Variants in KLHL32 observed in about 807,000 individuals in gnomAD.
KLHL32 encodes the protein kelch-like protein 32.
KLHL32 carries 35 observed loss-of-function variants against 64.8 expected under a neutral mutation model. The observed-to-expected ratio is 0.54, with a 90% CI of 0.41 to 0.72. KLHL32 has a LOEUF of 0.72. Ranked by LOEUF, KLHL32 falls within the 30% of genes least tolerant of loss-of-function variation. The pLI is 0.00. For synonymous variants in KLHL32, 259 were observed against 281.0 expected, an observed-to-expected ratio of 0.92 and a Z score of 0.78; for missense variants, 589 against 768.5, an observed-to-expected ratio of 0.77 and a Z score of 2.76.
chr6:96,987,643 A>G (rs1175203892), intron 3 of KLHL32, among the ~76,000 whole-genome samples: 1 of 152,234 alleles, frequency 6.6e-6, no homozygotes, highest in Non-Finnish European at 1.5e-5. Flanking sequence ...CTGCATTGCC[A>G]AAACAATCCT....
intron 3 of KLHL32, among the ~76,000 whole-genome samples, chr6:97,019,668 T>G (rs1232847705): frequency 2.6e-5 from 4 of 152,182 alleles, no homozygotes; most frequent in African/African-American, 9.7e-5. Flanking sequence ...CTTGGTGCAT[T>G]TATTTAAAAA....
intron 1 of KLHL32, among the ~76,000 whole-genome samples, chr6:96,932,572 C>CG (rs1001598485): frequency 7.3e-6 from 1 of 136,578 alleles, no homozygotes; most frequent in Non-Finnish European, 1.6e-5. Context: ...TTTCCCCCCC[C>CG]CCCTTTTTTT....
intron 4 of KLHL32, among the ~76,000 whole-genome samples, chr6:97,048,124 A>T (rs997298321): frequency 6.6e-6 from 1 of 152,180 alleles, no homozygotes; most frequent in Admixed American, 6.5e-5. Flanking sequence ...TTGGAGACTG[A>T]TGAAGAGGTT....
chr6:96,917,153 T>C, the KLHL32 span, among the ~76,000 whole-genome samples: 1 of 152,182 alleles, frequency 6.6e-6, no homozygotes, highest in African/African-American at 2.4e-5. Context: ...AAAACCCAAA[T>C]TAACCAAACT....
intron 5 of KLHL32, among the ~76,000 whole-genome samples, chr6:97,075,379 A>T (rs923523648): frequency 3.9e-5 from 6 of 152,192 alleles, no homozygotes; most frequent in African/African-American, 1.4e-4. Flanking sequence ...CTGTATGTTT[A>T]TACATATAAA....
At chr6:96,911,952 T>G in the KLHL32 span, among the ~76,000 whole-genome samples, 1 of 149,398 alleles carries the variant, frequency 6.7e-6, no homozygotes, top group Non-Finnish European at 1.5e-5. Flanking sequence ...CTCTGAGTAA[T>G]CTCTTCCTGT....
chr6:97,087,695 A>G (rs1317481077), intron 6 of KLHL32, among the ~76,000 whole-genome samples: 4 of 152,210 alleles, frequency 2.6e-5, no homozygotes, highest in Non-Finnish European at 5.9e-5. Flanking sequence ...TGGTAAACAC[A>G]CACACACTTA....
chr6:97,115,544 A>G (rs1461202753), intron 7 of KLHL32, among the ~76,000 whole-genome samples: 2 of 152,176 alleles, frequency 1.3e-5, no homozygotes, highest in Non-Finnish European at 1.5e-5. Context: ...CTCCTTGCCA[A>G]TCTTGTTTTC....
rs144907299 is a variant in KLHL32 at position 96,954,866 on chromosome 6, A to G, written c.-65-12130A>G. Among the ~76,000 whole-genome samples, 531 of 152,264 alleles carry G rather than the reference A, an allele frequency of 3.5e-3. 3 individuals carry two copies. The highest frequency in any genetic ancestry group is 0.012 in the African/African-American group (498 of 41,534). On this transcript the variant is annotated intron_variant, in intron 1 of 10. Transcript: ENST00000369261. ...TTTTCTCCTAGTTTCTCTATTGTCAACTGTCTTAGCCAGCTTGGGCTGTTA... is the reference window on the plus strand; with the variant it reads ...TTTTCTCCTAGTTTCTCTATTGTCAGCTGTCTTAGCCAGCTTGGGCTGTTA...
intron 5 of KLHL32, among the ~76,000 whole-genome samples, chr6:97,071,508 G>A (rs190596101): frequency 3.2e-3 from 482 of 152,186 alleles, no homozygotes; most frequent in Non-Finnish European, 5.0e-3. Context: ...TGCATCTGGG[G>A]AGGGTTACTG....
chr6:97,134,200 G>C (rs1025335060), intron 10 of KLHL32, among the ~76,000 whole-genome samples: 1 of 152,078 alleles, frequency 6.6e-6, no homozygotes, highest in Non-Finnish European at 1.5e-5. Context: ...AAGTAGAAGA[G>C]GAGAGATGAT....
chr6:96,911,936 CCCTCT>C, the KLHL32 span, among the ~76,000 whole-genome samples: 21 of 148,724 alleles, frequency 1.4e-4, no homozygotes, highest in Middle Eastern at 3.5e-3. Flanking sequence ...TCACTCTGCA[CCCTCT>C]CTCTGAGTAA....
upstream of KLHL32, among the ~76,000 whole-genome samples, chr6:96,920,976 T>G (rs1384777309): frequency 6.6e-6 from 1 of 152,246 alleles, no homozygotes; most frequent in African/African-American, 2.4e-5. Flanking sequence ...ATTGACAAGT[T>G]GTTTTCCAAA....
chr6:96,982,508 A>G (rs1332761405), intron 3 of KLHL32, among the ~76,000 whole-genome samples: 2 of 151,968 alleles, frequency 1.3e-5, no homozygotes, highest in Non-Finnish European at 2.9e-5. Context: ...CAAACTTGCC[A>G]CTCTCTGCCT....
chr6:96,950,498 G>A (rs538812575), intron 1 of KLHL32, among the ~76,000 whole-genome samples: 5 of 135,440 alleles, frequency 3.7e-5, no homozygotes, highest in South Asian at 2.2e-4. Context: ...CAGTTGTCAC[G>A]TTAAAAAAAA....
At chr6:96,987,848 G>A (rs1229236599) in intron 3 of KLHL32, among the ~76,000 whole-genome samples, 1 of 152,134 alleles carries the variant, frequency 6.6e-6, no homozygotes, top group Admixed American at 6.5e-5. Context: ...AACAAGAAAT[G>A]GGGAAAGGAT....
intron 3 of KLHL32, among the ~76,000 whole-genome samples, chr6:97,016,615 G>C (rs1253032422): frequency 3.3e-5 from 5 of 152,172 alleles, no homozygotes; most frequent in Non-Finnish European, 7.3e-5. Flanking sequence ...TTTGGATTTG[G>C]ACTTTTGAGT....
At chr6:96,935,500 G>T (rs1770478779) in intron 1 of KLHL32, among the ~76,000 whole-genome samples, 1 of 152,122 alleles carries the variant, frequency 6.6e-6, no homozygotes, top group African/African-American at 2.4e-5. Context: ...AAAGAGGAGG[G>T]GTCTGGGAGA....
intron 6 of KLHL32, among the ~76,000 whole-genome samples, chr6:97,094,431 C>T (rs2128188945): frequency 6.6e-6 from 1 of 152,268 alleles, no homozygotes; most frequent in East Asian, 1.9e-4. Flanking sequence ...AAAAATAACA[C>T]CCTGATTCAA....
Sources: gnomAD v4.1 joint callset for allele counts (sites outside exome capture counted in the v4.1 genomes callset) on GRCh38, gnomAD v4.1.1 for gene constraint, MANE v1.5 for transcripts, NCBI Gene and HGNC (gene_info 2026-07-23, HGNC 2026-07-21) for gene names.